The following EPHA5 variants were observed in gnomAD, a reference collection of about 807,000 sequenced individuals.
EPHA5 encodes the protein EPH receptor A5, also known as ephrin type-A receptor 5.
In EPHA5, 60 loss-of-function variants were observed where a neutral mutation model predicts 105.0. The ratio of observed to expected loss-of-function variants is 0.57; its 90% CI spans 0.46 to 0.71. EPHA5 has a LOEUF of 0.71. EPHA5 is among the 30% of genes least tolerant of loss of function. The probability of loss-of-function intolerance (pLI) is 0.00; values close to 1 mark genes in which losing one functional copy is unlikely to be tolerated. For missense variants in EPHA5, 1,218 were observed against 1,274.7 expected, an observed-to-expected ratio of 0.96 and a Z score of 0.68; for synonymous variants, 513 against 449.1, an observed-to-expected ratio of 1.14 and a Z score of -1.80.
intron 5 of EPHA5, among the ~76,000 whole-genome samples, chr4:65,438,916 T>A (rs111387873): frequency 1.2e-3 from 176 of 152,200 alleles, no homozygotes; most frequent in African/African-American, 4.0e-3. Flanking sequence ...AGAAGGTGAA[T>A]AAAATATAAG....
chr4:65,601,314 C>A (rs1358748151), intron 3 of EPHA5, among the ~76,000 whole-genome samples: 1 of 151,920 alleles, frequency 6.6e-6, no homozygotes, highest in African/African-American at 2.4e-5. Context: ...ATGTAGCAGA[C>A]AATAATTATA....
chr4:65,407,859 G>C (rs1198051868), intron 7 of EPHA5, among the ~76,000 whole-genome samples: 1 of 151,748 alleles, frequency 6.6e-6, no homozygotes, highest in African/African-American at 2.4e-5. Flanking sequence ...GGGCTCATGT[G>C]ATCCTCCCAC....
intron 1 of EPHA5, among the ~76,000 whole-genome samples, chr4:65,659,944 C>A (rs950934532): frequency 6.6e-6 from 1 of 152,020 alleles, no homozygotes; most frequent in African/African-American, 2.4e-5. Flanking sequence ...GTAGAGGTGT[C>A]GACTTACAAT....
At chr4:65,421,929 G>A (rs1288894698) in intron 5 of EPHA5, among the ~76,000 whole-genome samples, 1 of 152,102 alleles carries the variant, frequency 6.6e-6, no homozygotes, top group African/African-American at 2.4e-5. Context: ...GATAATATTA[G>A]TTTGGGATTT....
intron 5 of EPHA5, among the ~76,000 whole-genome samples, chr4:65,437,358 T>A (rs1314978105): frequency 4.6e-5 from 7 of 152,004 alleles, no homozygotes; most frequent in Non-Finnish European, 8.8e-5. Context: ...TGGGAAAACT[T>A]CCCAAATAGG....
intron 3 of EPHA5, among the ~76,000 whole-genome samples, chr4:65,598,679 G>A (rs1743412717): frequency 6.6e-6 from 1 of 152,094 alleles, no homozygotes; most frequent in Non-Finnish European, 1.5e-5. Flanking sequence ...TGATTGATTG[G>A]GGCATCTTCT....
At position 65,669,646 on chromosome 4, in the gene EPHA5, A is replaced by C. The variant is rs1281201494; in HGVS notation, c.97T>G (p.Ser33Ala). ...ITPASLAGCY[S>A]APRRAPLWTC... The stretch of plus-strand genomic sequence containing the variant: ...CAGAGGGGAGCCCGTCGAGGTGCAG[A>C]GTAGCAGCCGGCCAGGGACGCTGGG... The change falls in exon 1 of 17, where the codon TCT becomes GCT. Residue 33 changes from serine to alanine, a missense_variant. By Grantham distance (99) the Ser-to-Ala change is moderately conservative. Coordinates refer to ENST00000613740, the MANE Select transcript of EPHA5 (RefSeq NM_001281766.3). 1 of 1,397,064 alleles carries C rather than the reference A, an allele frequency of 7.2e-7. No individual in the cohort carries two copies. The highest frequency in any genetic ancestry group is 1.5e-5 in the African/African-American group (1 of 67,120). The allele number at this position is 1,397,064 out of a possible 1,614,324, so 86.5% of individuals were successfully genotyped here.
At chr4:65,363,303 A>G (rs1717518803) in intron 11 of EPHA5, among the ~76,000 whole-genome samples, 1 of 151,598 alleles carries the variant, frequency 6.6e-6, no homozygotes, top group Non-Finnish European at 1.5e-5. Flanking sequence ...CAATAATGCT[A>G]TAAGGTATTC....
chr4:65,490,340 G>A (rs779441558), intron 5 of EPHA5, 37 bp downstream of exon 5: 5 of 1,567,008 alleles, frequency 3.2e-6, no homozygotes, highest in South Asian at 1.1e-5. Context: ...ACAGAACTAG[G>A]CCTCACATAC....
rs187770604 is a variant in EPHA5, at chr4:65,395,580, T to C, written c.1793+8794A>G. Among the ~76,000 whole-genome samples the C allele has an allele frequency of 3.5e-4, 54 of 152,358 alleles. No individual in the cohort carries two copies. In the East Asian group the frequency reaches 8.9e-3, roughly 25 times the overall value. Reference sequence around the variant, plus strand: ...ATCATAATTATGATAGCCTCTGTTATAGTATTGGCTGACTTCTAAAGAATT... The same window carrying C: ...ATCATAATTATGATAGCCTCTGTTACAGTATTGGCTGACTTCTAAAGAATT... On this transcript the variant is annotated intron_variant, in intron 8 of 16. Transcript: ENST00000613740.
intron 5 of EPHA5, among the ~76,000 whole-genome samples, chr4:65,454,609 CACTT>C (rs1334323565): frequency 2.6e-5 from 4 of 152,148 alleles, no homozygotes; most frequent in Non-Finnish European, 5.9e-5. Context: ...TGCATCCTGA[CACTT>C]AGAGTTTTTT....
chr4:65,337,182 A>G (rs1721267279), intron 14 of EPHA5, among the ~76,000 whole-genome samples: 1 of 152,112 alleles, frequency 6.6e-6, no homozygotes, highest in African/African-American at 2.4e-5. Context: ...CAGGGCAATG[A>G]GCATACCCAT....
chr4:65,468,037 G>A (rs1389362750), intron 5 of EPHA5, among the ~76,000 whole-genome samples: 1 of 152,166 alleles, frequency 6.6e-6, no homozygotes, highest in Non-Finnish European at 1.5e-5. Flanking sequence ...CTCGATTTTA[G>A]TCAGAGAAGA....
chr4:65,505,278 A>G (rs906121292), intron 3 of EPHA5, among the ~76,000 whole-genome samples: 36 of 152,170 alleles, frequency 2.4e-4, no homozygotes, highest in Admixed American at 4.6e-4. Context: ...TAGAAAAAAG[A>G]TATCTATCTG....
chr4:65,414,423 C>T lies in EPHA5; in HGVS notation c.1548G>A (p.Thr516=), dbSNP rs368999628. ...TAGTTGTCTCTTTAGATTTGATAAT[C>T]GTGTAGCTGGTCTCTTGGTCCTTGG... ...YFEKDQETSY[T]IIKSKETTIT... Residue 516 remains threonine (T), a synonymous_variant, in exon 7 of 17, where the codon ACG becomes ACA. Coordinates refer to ENST00000613740, the MANE Select transcript of EPHA5 (RefSeq NM_001281766.3). 1.1e-5 allele frequency: 17 copies of T among 1,613,740 alleles called. No individual in the cohort carries two copies. Among genetic ancestry groups the T allele is most frequent in the Non-Finnish European group, 1.4e-5 (17 of 1,179,856 alleles).
intron 3 of EPHA5, among the ~76,000 whole-genome samples, chr4:65,522,316 G>GTGTGTGTATATATATATA (rs777066757): frequency 5.6e-5 from 8 of 142,858 alleles, no homozygotes; most frequent in African/African-American, 1.9e-4. Flanking sequence ...ATATATATAT[G>GTGTGTGTATATATATATA]TATATATATA....
chr4:65,651,911 G>C (rs188724392), intron 1 of EPHA5, among the ~76,000 whole-genome samples: 92 of 152,238 alleles, frequency 6.0e-4, no homozygotes, highest in African/African-American at 2.2e-3. Context: ...AGCTCATACA[G>C]TAGTCTACTG....
chr4:65,669,996 G>T lies in EPHA5; in HGVS notation c.-254C>A. On this transcript the variant is annotated 5_prime_UTR_variant, in exon 1 of 17. Transcript: ENST00000613740. ...AGTTCTGGTTGCTAGTGCAGATCTG[G>T]ACTCGGATCAAGGGTGTCGAGAGGG... 2.2e-6 allele frequency: 1 copy of T among 463,112 alleles called. No individual in the cohort carries two copies. 28.7% of individuals were successfully genotyped at this position (463,112 alleles called of 1,614,324 possible).
At chr4:65,512,756 C>A (rs987752877) in intron 3 of EPHA5, among the ~76,000 whole-genome samples, 3 of 152,074 alleles carry the variant, frequency 2.0e-5, no homozygotes, top group Non-Finnish European at 4.4e-5. Context: ...AAGTGCCAGA[C>A]AGACTAATAC....
Sources: gnomAD v4.1 joint callset for allele counts (sites outside exome capture counted in the v4.1 genomes callset) on GRCh38, gnomAD v4.1.1 for gene constraint, MANE v1.5 for transcripts, NCBI Gene and HGNC (gene_info 2026-07-23, HGNC 2026-07-21) for gene names.